The following CEP112 variants were observed in gnomAD, a reference collection of about 807,000 sequenced individuals.
The protein encoded by CEP112 is centrosomal protein of 112 kDa.
In CEP112, 127 loss-of-function variants were observed where a neutral mutation model predicts 153.0. That is an observed-to-expected ratio of 0.83 (90% CI 0.72 to 0.96). CEP112 has a LOEUF of 0.96. Among genes scored for constraint, CEP112 ranks in the 40% least tolerant of loss-of-function variants. The probability of loss-of-function intolerance (pLI) is 0.00; values close to 1 mark genes in which losing one functional copy is unlikely to be tolerated. For synonymous variants in CEP112, 358 were observed against 374.4 expected, an observed-to-expected ratio of 0.96 and a Z score of 0.51; for missense variants, 1,089 against 1,101.2, an observed-to-expected ratio of 0.99 and a Z score of 0.16.
chr17:65,708,311 A>G (rs1191330535), intron 23 of CEP112, among the ~76,000 whole-genome samples: 2 of 152,210 alleles, frequency 1.3e-5, no homozygotes, highest in Non-Finnish European at 2.9e-5. Flanking sequence ...TTGATCTCCC[A>G]CTAAGGGATC....
chr17:65,783,713 A>G (rs1012857220), intron 21 of CEP112, among the ~76,000 whole-genome samples: 2 of 152,232 alleles, frequency 1.3e-5, no homozygotes, highest in Non-Finnish European at 2.9e-5. Flanking sequence ...TGATGCCCAT[A>G]CAAAACATGT....
chr17:65,942,504 A>G (rs2061535314), intron 18 of CEP112, among the ~76,000 whole-genome samples: 1 of 152,190 alleles, frequency 6.6e-6, no homozygotes, highest in Non-Finnish European at 1.5e-5. Flanking sequence ...GCAGTTGCAA[A>G]ATGGTTTCTG....
At chr17:66,075,122 A>T (rs951563561) in intron 8 of CEP112, among the ~76,000 whole-genome samples, 4 of 152,138 alleles carry the variant, frequency 2.6e-5, no homozygotes, top group Admixed American at 2.0e-4. Context: ...TACTAGAAAT[A>T]GTATGTGAGC....
At chr17:65,879,264 T>C (rs765204778) in intron 20 of CEP112, among the ~76,000 whole-genome samples, 1 of 152,106 alleles carries the variant, frequency 6.6e-6, no homozygotes, top group Non-Finnish European at 1.5e-5. Context: ...ATTGTGACAA[T>C]GACAGCACCA....
intron 6 of CEP112, among the ~76,000 whole-genome samples, chr17:66,127,119 A>T (rs1391639590): frequency 6.6e-6 from 1 of 152,252 alleles, no homozygotes; most frequent in African/African-American, 2.4e-5. Flanking sequence ...AAAATGTGAA[A>T]CAAAACCCTA....
rs188687428 is a variant in CEP112, at chr17:65,884,938, A to C, written c.2163+17214T>G. 2.3e-4 allele frequency among the ~76,000 whole-genome samples: 34 copies of C among 149,480 alleles called. No individual in the cohort carries two copies. The East Asian group carries it at 6.7e-3, about 29-fold the overall frequency. ...TCCATGTTGGTCAGGCTGGTCTTGAACTCCTGACCTCAGGTGATCCACCCT... is the reference window on the plus strand; with the variant it reads ...TCCATGTTGGTCAGGCTGGTCTTGACCTCCTGACCTCAGGTGATCCACCCT... On this transcript the variant is annotated intron_variant, in intron 20 of 26. Coordinates refer to ENST00000535342, the MANE Select transcript of CEP112 (RefSeq NM_001199165.4).
At chr17:65,803,496 TC>T (rs1396209424) in intron 21 of CEP112, among the ~76,000 whole-genome samples, 1 of 152,214 alleles carries the variant, frequency 6.6e-6, no homozygotes, top group Non-Finnish European at 1.5e-5. Context: ...CAAATTTATA[TC>T]AAAAAGTTTC....
chr17:66,127,230 C>A (rs564700942), intron 6 of CEP112, among the ~76,000 whole-genome samples: 3 of 152,238 alleles, frequency 2.0e-5, no homozygotes, highest in East Asian at 3.9e-4. Flanking sequence ...AGTTAAACAA[C>A]CGTGAAAAGT....
chr17:65,695,077 G>A (rs1005153819), intron 23 of CEP112, among the ~76,000 whole-genome samples: 1 of 152,166 alleles, frequency 6.6e-6, no homozygotes, highest in Non-Finnish European at 1.5e-5. Context: ...AAGTCAGCTG[G>A]CTGTGGGAAG....
At chr17:65,853,777 G>C (rs2058042599) in intron 20 of CEP112, among the ~76,000 whole-genome samples, 1 of 151,710 alleles carries the variant, frequency 6.6e-6, no homozygotes, top group Non-Finnish European at 1.5e-5. Context: ...AGGAAATTTT[G>C]AGAGGGACAC....
chr17:66,095,445 CT>C (rs1197277951), intron 8 of CEP112, among the ~76,000 whole-genome samples: 5 of 152,134 alleles, frequency 3.3e-5, no homozygotes, highest in African/African-American at 1.2e-4. Flanking sequence ...CATGATCTCA[CT>C]TATATGTGGA....
chr17:65,732,453 T>C (rs1271741451), intron 23 of CEP112, among the ~76,000 whole-genome samples: 1 of 152,234 alleles, frequency 6.6e-6, no homozygotes. Context: ...GAATGGTTAA[T>C]GAGCCCTGGC....
chr17:65,864,980 G>C (rs529443608), intron 20 of CEP112, among the ~76,000 whole-genome samples: 1 of 147,728 alleles, frequency 6.8e-6, no homozygotes, highest in Non-Finnish European at 1.5e-5. Context: ...ACATATCTAT[G>C]TACCTTTTAT....
In CEP112 at chr17:66,060,107, A is replaced by C. The variant is rs189630899; in HGVS notation, c.1074+2856T>G. 3.8e-3 allele frequency among the ~76,000 whole-genome samples: 582 copies of C among 152,252 alleles called. 5 individuals are homozygous for C. The highest frequency in any genetic ancestry group is 0.011 in the South Asian group (52 of 4,812). On this transcript the variant is annotated intron_variant, in intron 11 of 26. Coordinates refer to ENST00000535342, the MANE Select transcript of CEP112 (RefSeq NM_001199165.4). ...TAAACATTGGTATATATGGACATAA[A>C]AACAGGAACAATAGACACTGGGGAC...
intron 19 of CEP112, among the ~76,000 whole-genome samples, chr17:65,905,504 A>C (rs2143660493): frequency 6.6e-6 from 1 of 152,346 alleles, no homozygotes; most frequent in East Asian, 1.9e-4. Flanking sequence ...TATTGGTGGG[A>C]GTGTAAATTA....
At chr17:65,794,475 A>G (rs907027747) in intron 21 of CEP112, among the ~76,000 whole-genome samples, 2 of 151,654 alleles carry the variant, frequency 1.3e-5, no homozygotes, top group African/African-American at 2.4e-5. Context: ...CTACTCTCTA[A>G]TTTCTCCACA....
intron 21 of CEP112, among the ~76,000 whole-genome samples, chr17:65,780,259 C>T (rs1037204987): frequency 6.6e-6 from 1 of 152,058 alleles, no homozygotes; most frequent in African/African-American, 2.4e-5. Context: ...CATTTCCCCA[C>T]CCTGCTCACT....
intron 17 of CEP112, among the ~76,000 whole-genome samples, chr17:65,977,714 G>C (rs2063088462): frequency 6.6e-6 from 1 of 152,198 alleles, no homozygotes; most frequent in Non-Finnish European, 1.5e-5. Flanking sequence ...GCCGAGGTGG[G>C]AGGATCCCTT....
chr17:66,153,268 A>G (rs538066399), intron 4 of CEP112, among the ~76,000 whole-genome samples: 57 of 152,330 alleles, frequency 3.7e-4, no homozygotes, highest in Non-Finnish European at 7.1e-4. Flanking sequence ...TAATAGCCAA[A>G]TACTGAAAAC....
Sources: gnomAD v4.1 joint callset for allele counts (sites outside exome capture counted in the v4.1 genomes callset) on GRCh38, gnomAD v4.1.1 for gene constraint, MANE v1.5 for transcripts, NCBI Gene and HGNC (gene_info 2026-07-23, HGNC 2026-07-21) for gene names.